Variants in CEP72 observed in about 807,000 individuals in gnomAD.
The protein encoded by CEP72 is centrosomal protein of 72 kDa.
CEP72 carries 78 observed loss-of-function variants against 65.7 expected under a neutral mutation model. The ratio of observed to expected loss-of-function variants is 1.19; its 90% CI spans 0.99 to 1.43. The LOEUF is 1.43. CEP72 is among the 40% of genes most tolerant of loss of function. The pLI is 0.00. For missense variants in CEP72, 914 were observed against 832.9 expected (o/e 1.10, Z -1.20); for synonymous variants, 358 against 351.7 (o/e 1.02, Z -0.20).
At chr5:644,751 C>T (rs549063751) in intron 10 of CEP72, among the ~76,000 whole-genome samples, 27 of 152,282 alleles carry the variant, frequency 1.8e-4, no homozygotes, top group Middle Eastern at 6.8e-3. Flanking sequence ...GTTTGCTGCT[C>T]CTGTCTGGCG....
chr5:660,811 G>C (rs750036788), downstream of CEP72: 8 of 152,298 alleles, frequency 5.3e-5, no homozygotes, highest in Non-Finnish European at 8.8e-5. Context: ...AGGAGGTGAT[G>C]CCCACGCAGG....
At chr5:672,504 CTCA>C in the CEP72 span, among the ~76,000 whole-genome samples, 323 of 152,380 alleles carry the variant, frequency 2.1e-3, 1 homozygote, top group African/African-American at 7.2e-3. Flanking sequence ...CTTCCTCTGC[CTCA>C]TCGGCTGGGT....
downstream of CEP72, among the ~76,000 whole-genome samples, chr5:670,866 C>T (rs1452880033): frequency 6.6e-6 from 1 of 152,200 alleles, no homozygotes; most frequent in Non-Finnish European, 1.5e-5. Context: ...AGCAGCTGAG[C>T]ACCTGGGGGC....
In CEP72 at chr5:645,473, AAAAC is replaced by A. The variant is rs1293357330; in HGVS notation, c.1666+1050_1666+1053del. Among the ~76,000 whole-genome samples, 73 of 151,908 alleles carry A rather than the reference AAAAC, an allele frequency of 4.8e-4. No individual in the cohort carries two copies. The highest frequency in any genetic ancestry group is 1.6e-3 in the African/African-American group (68 of 41,456). On this transcript the variant is annotated intron_variant, in intron 10 of 11. Coordinates refer to ENST00000264935, the MANE Select transcript of CEP72 (RefSeq NM_018140.4). This position sits in a 1 kb window ranked among gnomAD's most constrained non-coding sequence, Gnocchi z 4.0. ...GTAAAGGTGATGAGAAAAAAAAAAAAAAACAGTTCCCTGCCCGGGAGAACTGTGT... is the reference window on the plus strand; with the variant it reads ...GTAAAGGTGATGAGAAAAAAAAAAAAAGTTCCCTGCCCGGGAGAACTGTGT...
intron 11 of CEP72, among the ~76,000 whole-genome samples, chr5:651,383 G>T (rs1018963260): frequency 6.6e-6 from 1 of 151,924 alleles, no homozygotes; most frequent in Non-Finnish European, 1.5e-5. Context: ...TTGTGAATGT[G>T]AGGTGTGGAC....
chr5:642,716 A>G, intron 9 of CEP72: 1 of 985,422 alleles, frequency 1.0e-6, no homozygotes, highest in Non-Finnish European at 1.2e-6. Flanking sequence ...AGTGATCCAG[A>G]AGAATCTGGC....
chr5:653,152 G>T lies in CEP72; in HGVS notation c.1943G>T (p.Ter648LeuextTer10). The T allele has an allele frequency of 6.3e-7, 1 of 1,597,292 alleles. No homozygotes were observed. The highest frequency in any genetic ancestry group is 1.1e-5 in the South Asian group (1 of 89,398). ...AGCCATGGAGGCTGCCAGGCCTGCTGACTCCTGCCGAGAAGCTGGGCCACC... is the reference window on the plus strand; with the variant it reads ...AGCCATGGAGGCTGCCAGGCCTGCTTACTCCTGCCGAGAAGCTGGGCCACC... Reference protein sequence around the residue: ...SASHGGCQAC* With the variant: ...SASHGGCQACL Residue 648 changes from the stop codon to leucine, a stop_lost, in exon 12 of 12, where the codon TGA becomes TTA. Transcript: ENST00000264935.
intron 3 of CEP72, among the ~76,000 whole-genome samples, chr5:620,950 C>T (rs138422507): frequency 6.6e-6 from 1 of 152,206 alleles, no homozygotes; most frequent in Non-Finnish European, 1.5e-5. Flanking sequence ...GCTGACCCTA[C>T]CCCGAGTCAC....
chr5:646,481 A>G (rs548199851), intron 10 of CEP72, among the ~76,000 whole-genome samples: 2 of 152,250 alleles, frequency 1.3e-5, no homozygotes, highest in East Asian at 3.9e-4. Flanking sequence ...TTCTGACCTC[A>G]TGGATCAAGG....
At chr5:641,327 G>A (rs1266460706) in intron 9 of CEP72, 9 of 985,270 alleles carry the variant, frequency 9.1e-6, no homozygotes, top group South Asian at 4.7e-5. Context: ...GCCGCCCTCC[G>A]GGAGTCCTGG....
At chr5:676,439 G>C in the CEP72 span, 3 of 152,272 alleles carry the variant, frequency 2.0e-5, no homozygotes, top group African/African-American at 7.2e-5. Context: ...CCACACAGGG[G>C]CATCTGACCC....
chr5:662,195 C>A (rs1407930902), intron 1 of CEP72: 1 of 152,580 alleles, frequency 6.6e-6, no homozygotes, highest in East Asian at 1.9e-4. Flanking sequence ...CCAGCCAGGT[C>A]TGGGAAGGGC....
In CEP72 at chr5:624,079, C is replaced by T. The variant is rs1736574990; in HGVS notation, c.404-392C>T. Among the ~76,000 whole-genome samples, 1 of 152,186 alleles carries T rather than the reference C, an allele frequency of 6.6e-6. No homozygotes were observed. The highest frequency in any genetic ancestry group is 2.4e-5 in the African/African-American group (1 of 41,450). On this transcript the variant is annotated intron_variant, in intron 3 of 11. Transcript: ENST00000264935. The surrounding 1 kb of genome is among the most constrained non-coding windows in gnomAD (Gnocchi z 4.7). ...CCTGAGGCCCAGCCCTAAGCACAGA[C>T]CCAAAAGGCCTCCTGGAAGTTGCAG...
rs763232947 is a variant in CEP72 at position 640,595 on chromosome 5, C to A, written c.1530C>A (p.His510Gln). The A allele has an allele frequency of 1.9e-6, 3 of 1,611,748 alleles. No individual in the cohort carries two copies. Among genetic ancestry groups the A allele is most frequent in the African/African-American group, 2.7e-5 (2 of 74,908 alleles). ...SEVTAELHHT[H>Q]KELDDLRQHL... ...TGACGGCGGAGCTGCACCACACACA[C>A]AAGGAGCTGGTGAGCCCGCCCTGGC... The change falls in exon 9 of 12, where the codon CAC becomes CAA. Residue 510 changes from histidine to glutamine, a missense_variant. Transcript: ENST00000264935.
At chr5:612,765 C>T (rs368573888) in intron 1 of CEP72, among the ~76,000 whole-genome samples, 1 of 152,254 alleles carries the variant, frequency 6.6e-6, no homozygotes, top group Non-Finnish European at 1.5e-5. Context: ...CCCGCCCTCC[C>T]GCTGGGGATC....
At chr5:666,092 G>C (rs1282985175) in exon 4 of CEP72, 1 of 1,611,786 alleles carries the variant, frequency 6.2e-7, no homozygotes. Flanking sequence ...TCCTGGAACT[G>C]CTCAAAGGTG....
chr5:620,314 G>T, intron 3 of CEP72, 53 bp downstream of exon 3: 1 of 1,489,784 alleles, frequency 6.7e-7, no homozygotes, highest in African/African-American at 1.4e-5. Flanking sequence ...GGGTATGGGA[G>T]TCGGGGAGTC....
chr5:666,692 C>T (rs1178147815), intron 4 of CEP72, among the ~76,000 whole-genome samples: 2 of 151,998 alleles, frequency 1.3e-5, no homozygotes, highest in South Asian at 2.1e-4. Flanking sequence ...CCCGGTGGGC[C>T]GGAGGTGCCA....
chr5:652,582 TTGAC>T (rs569020971), intron 11 of CEP72, among the ~76,000 whole-genome samples: 64 of 152,358 alleles, frequency 4.2e-4, no homozygotes, highest in Non-Finnish European at 7.3e-4. Context: ...ATTATTATAT[TTGAC>T]TGGGAATTAG....
Sources: allele counts gnomAD v4.1 joint callset (sites outside exome capture counted in the v4.1 genomes callset), GRCh38; gene constraint gnomAD v4.1.1; non-coding constraint Gnocchi (gnomAD v3.1); transcripts MANE v1.5; gene names NCBI Gene and HGNC (gene_info 2026-07-23, HGNC 2026-07-21).